The following TYW1B variants were observed in gnomAD, a reference collection of about 807,000 sequenced individuals.
The protein encoded by TYW1B is S-adenosyl-L-methionine-dependent tRNA 4-demethylwyosine synthase TYW1B.
In TYW1B, 73 loss-of-function variants were observed where a neutral mutation model predicts 86.9. The observed-to-expected ratio is 0.84, with a 90% CI of 0.70 to 1.02. The LOEUF (loss-of-function observed/expected upper bound fraction) is 1.02. TYW1B is among the 50% of genes least tolerant of loss of function. The pLI is 0.00. For synonymous variants in TYW1B, 248 were observed against 292.8 expected (o/e 0.85, Z 1.56); for missense variants, 637 against 827.4 (o/e 0.77, Z 2.82).
intron 6 of TYW1B, among the ~76,000 whole-genome samples, chr7:72,787,126 T>C (rs146124471): frequency 7.6e-4 from 116 of 152,118 alleles, no homozygotes; most frequent in African/African-American, 2.5e-3. Flanking sequence ...AGCAGAAAAC[T>C]TGAAAGCACA....
In TYW1B at chr7:72,622,691, GCACACAACACACACATGCACA is replaced by G. The variant is rs373362413; in HGVS notation, c.1618-5873_1618-5853del. ...GCACATACACATAACACATACACATGCACACAACACACACATGCACACACACAACACACATACATGCACACA... is the reference window on the plus strand; with the variant it reads ...GCACATACACATAACACATACACATGCACACAACACACATACATGCACACA... On this transcript the variant is annotated intron_variant, in intron 12 of 13. Coordinates refer to ENST00000620995, the MANE Select transcript of TYW1B (RefSeq NM_001145440.3). Among the ~76,000 whole-genome samples, 1,048 of 150,808 alleles carry G rather than the reference GCACACAACACACACATGCACA, an allele frequency of 6.9e-3. 17 individuals are homozygous for G. The highest frequency in any genetic ancestry group is 0.025 in the African/African-American group (1,021 of 41,044).
At chr7:72,669,392 C>T (rs1272760481) in intron 11 of TYW1B, among the ~76,000 whole-genome samples, 3 of 151,906 alleles carry the variant, frequency 2.0e-5, no homozygotes, top group Non-Finnish European at 4.4e-5. Context: ...GTGATCCACC[C>T]ACCTCAGCCT....
intron 8 of TYW1B, among the ~76,000 whole-genome samples, chr7:72,731,575 A>T (rs1170749065): frequency 1.3e-5 from 2 of 152,224 alleles, no homozygotes; most frequent in African/African-American, 4.8e-5. Flanking sequence ...GTTGCCTACA[A>T]GAAACTCACT....
intron 13 of TYW1B, among the ~76,000 whole-genome samples, chr7:72,615,307 GA>G (rs1554436645): frequency 6.6e-6 from 1 of 152,246 alleles, no homozygotes; most frequent in African/African-American, 2.4e-5. Flanking sequence ...CAATGGTTTT[GA>G]AAGATGCCTT....
At chr7:72,704,617 A>C (rs1362063132) in intron 10 of TYW1B, among the ~76,000 whole-genome samples, 2 of 151,634 alleles carry the variant, frequency 1.3e-5, no homozygotes, top group African/African-American at 4.8e-5. Context: ...ATCTTATCTC[A>C]AGTAATGGGT....
At chr7:72,734,363 C>A (rs1278539620) in intron 8 of TYW1B, among the ~76,000 whole-genome samples, 3 of 151,480 alleles carry the variant, frequency 2.0e-5, no homozygotes, top group Non-Finnish European at 4.4e-5. Context: ...ATAGAGAACC[C>A]AGAAATAAAT....
At chr7:72,669,892 G>A (rs1554446019) in intron 11 of TYW1B, among the ~76,000 whole-genome samples, 2 of 151,836 alleles carry the variant, frequency 1.3e-5, no homozygotes, top group African/African-American at 4.8e-5. Context: ...GCCAGGAGCT[G>A]AAGACCAGCC....
chr7:72,755,401 C>A lies in TYW1B; in HGVS notation c.965-10800G>T, dbSNP rs797042934. 3.3e-5 allele frequency among the ~76,000 whole-genome samples: 5 copies of A among 151,826 alleles called. No individual in the cohort carries two copies. The South Asian group carries it at 8.3e-4, about 25-fold the overall frequency. On this transcript the variant is annotated intron_variant, in intron 7 of 13. Transcript: ENST00000620995. ...ATTACTGCACTCCAGCCTGGCCGGG[C>A]GTGATGGCTCATGCCTGTAATCCCA...
chr7:72,598,929 G>A (rs1256922989), intron 13 of TYW1B, among the ~76,000 whole-genome samples: 5 of 152,130 alleles, frequency 3.3e-5, no homozygotes, highest in African/African-American at 7.2e-5. Flanking sequence ...CCTTGTCCTA[G>A]GTGGGTTCAC....
At chr7:72,599,590 ACT>A (rs782555802) in intron 13 of TYW1B, among the ~76,000 whole-genome samples, 3 of 152,008 alleles carry the variant, frequency 2.0e-5, no homozygotes, top group South Asian at 4.1e-4. Context: ...AGGAAATAAA[ACT>A]CTCTGTGTAC....
intron 11 of TYW1B, among the ~76,000 whole-genome samples, chr7:72,644,160 A>T (rs1230428434): frequency 6.6e-6 from 1 of 152,232 alleles, no homozygotes; most frequent in Admixed American, 6.5e-5. Context: ...ACGCAAAAAA[A>T]TGATATGATA....
intron 7 of TYW1B, among the ~76,000 whole-genome samples, chr7:72,770,427 C>CAAAAAAAAAAAAAAAAA: frequency 1.1e-5 from 1 of 94,482 alleles, no homozygotes; most frequent in Non-Finnish European, 2.0e-5. Context: ...GACTCCGTCT[C>CAAAAAAAAAAAAAAAAA]AAAAAAAAAA....
chr7:72,672,508 A>ACACACC (rs1389234655), intron 11 of TYW1B, among the ~76,000 whole-genome samples: 2 of 149,670 alleles, frequency 1.3e-5, no homozygotes, highest in Non-Finnish European at 3.0e-5. Flanking sequence ...ACACACACAC[A>ACACACC]CCTGTATACA....
chr7:72,672,223 C>T (rs1443082980), intron 11 of TYW1B, among the ~76,000 whole-genome samples: 6 of 152,024 alleles, frequency 3.9e-5, no homozygotes, highest in Non-Finnish European at 5.9e-5. Flanking sequence ...GATTGGGAGG[C>T]TTCTCCAGCC....
chr7:72,626,321 C>T (rs1401300091), intron 12 of TYW1B, among the ~76,000 whole-genome samples: 5 of 149,202 alleles, frequency 3.4e-5, no homozygotes, highest in South Asian at 4.2e-4. Context: ...AAGCCATAAA[C>T]GGAAATGAGC....
At chr7:72,643,353 G>A (rs1232572045) in intron 11 of TYW1B, among the ~76,000 whole-genome samples, 19 of 152,112 alleles carry the variant, frequency 1.2e-4, no homozygotes, top group African/African-American at 4.3e-4. Flanking sequence ...TTGGGAGGCC[G>A]ATGTGGGCGG....
chr7:72,828,137 G>A lies in TYW1B; in HGVS notation c.-62C>T. ...CTGGAGAGCCCAAAGGTTCGCACTG[G>A]TACTGCGAGACGCACCGAGCTACCT... is the stretch of plus-strand genomic sequence containing the variant. On this transcript the variant is annotated 5_prime_UTR_variant, in exon 1 of 14. Transcript: ENST00000620995. The A allele has an allele frequency of 1.2e-6, 2 of 1,609,402 alleles. No individual in the cohort carries two copies. The highest frequency in any genetic ancestry group is 1.7e-6 in the Non-Finnish European group (2 of 1,178,040).
intron 11 of TYW1B, among the ~76,000 whole-genome samples, chr7:72,682,835 G>A (rs35362935): frequency 5.3e-5 from 8 of 152,104 alleles, no homozygotes; most frequent in African/African-American, 1.2e-4. Flanking sequence ...TGTAATTGAC[G>A]AAGTGCTGGA....
chr7:72,707,592 G>GT (rs1254426060), intron 10 of TYW1B, among the ~76,000 whole-genome samples: 1 of 152,138 alleles, frequency 6.6e-6, no homozygotes, highest in Non-Finnish European at 1.5e-5. Flanking sequence ...ATTAACCTCT[G>GT]TTTTGACAAA....
Sources: gnomAD v4.1 joint callset for allele counts (sites outside exome capture counted in the v4.1 genomes callset) on GRCh38, gnomAD v4.1.1 for gene constraint, MANE v1.5 for transcripts, NCBI Gene and HGNC (gene_info 2026-07-23, HGNC 2026-07-21) for gene names.